The following GRM8 variants were observed in gnomAD, a reference collection of about 807,000 sequenced individuals.
GRM8 encodes metabotropic glutamate receptor 8.
A neutral mutation model predicts 87.2 loss-of-function variants in GRM8; 47 were observed. That is an observed-to-expected ratio of 0.54 (90% CI 0.43 to 0.69). The LOEUF (loss-of-function observed/expected upper bound fraction) is 0.69, where lower values mean the gene tolerates loss of function less well. GRM8 is among the 30% of genes least tolerant of loss of function. GRM8 has a pLI of 0.00. For synonymous variants in GRM8, 396 were observed against 404.5 expected (o/e 0.98, Z 0.25); for missense variants, 1,019 against 1,139.2 (o/e 0.89, Z 1.52).
chr7:126,508,002 G>A (rs1001526539), intron 9 of GRM8, among the ~76,000 whole-genome samples: 1 of 151,922 alleles, frequency 6.6e-6, no homozygotes, highest in Non-Finnish European at 1.5e-5. Context: ...AAAGTAATGA[G>A]TAAGTACCTG....
intron 6 of GRM8, among the ~76,000 whole-genome samples, chr7:126,775,774 C>T (rs987252100): frequency 2.6e-5 from 4 of 151,960 alleles, no homozygotes; most frequent in African/African-American, 7.2e-5. Flanking sequence ...GCTTAGAAGG[C>T]GAGTGGCCTT....
intron 2 of GRM8, among the ~76,000 whole-genome samples, chr7:127,140,778 C>G (rs567743227): frequency 2.1e-4 from 32 of 152,150 alleles, no homozygotes; most frequent in Non-Finnish European, 4.3e-4. Flanking sequence ...TCAAGTTACT[C>G]CTGCTGTTTG....
intron 7 of GRM8, among the ~76,000 whole-genome samples, chr7:126,736,537 A>G (rs1360358705): frequency 6.6e-6 from 1 of 152,026 alleles, no homozygotes; most frequent in Non-Finnish European, 1.5e-5. Context: ...TTATGAGTTT[A>G]TAACTGCAAA....
chr7:126,974,862 G>A (rs1810797720), intron 3 of GRM8, among the ~76,000 whole-genome samples: 1 of 147,660 alleles, frequency 6.8e-6, no homozygotes, highest in Non-Finnish European at 1.5e-5. Context: ...CGTGAACTCG[G>A]GAGGCGGAGC....
intron 3 of GRM8, among the ~76,000 whole-genome samples, chr7:127,079,849 A>C (rs1049811681): frequency 5.3e-5 from 8 of 152,116 alleles, no homozygotes; most frequent in African/African-American, 1.2e-4. Context: ...TTTTTCCTTA[A>C]GTACTCCCAA....
chr7:127,055,887 T>G (rs977017260), intron 3 of GRM8, among the ~76,000 whole-genome samples: 2 of 151,898 alleles, frequency 1.3e-5, no homozygotes, highest in Non-Finnish European at 2.9e-5. Context: ...ACAACCAAAG[T>G]CAAAAAAACA....
intron 6 of GRM8, among the ~76,000 whole-genome samples, chr7:126,825,007 G>T (rs1026912795): frequency 1.3e-5 from 2 of 152,184 alleles, no homozygotes; most frequent in African/African-American, 4.8e-5. Context: ...GGCCACTTGG[G>T]ATAATGTTTG....
intron 7 of GRM8, among the ~76,000 whole-genome samples, chr7:126,650,814 C>T (rs1265314285): frequency 5.9e-5 from 9 of 152,034 alleles, no homozygotes; most frequent in Non-Finnish European, 1.2e-4. Flanking sequence ...TCCCCAGCCA[C>T]CCCCGTCATC....
chr7:126,729,173 C>T (rs555072436), intron 7 of GRM8, among the ~76,000 whole-genome samples: 39 of 152,292 alleles, frequency 2.6e-4, no homozygotes, highest in African/African-American at 9.1e-4. Flanking sequence ...CATTTTCTCA[C>T]GTGGCACCAA....
rs1587364165 is a variant in GRM8 at position 127,243,497 on chromosome 7, C to A, written c.-293G>T. 2 of 372,730 alleles carry A rather than the reference C, an allele frequency of 5.4e-6. No individual in the cohort carries two copies. Among genetic ancestry groups the A allele is most frequent in the East Asian group, 4.8e-5 (1 of 20,762 alleles). 23.1% of individuals were successfully genotyped at this position (372,730 alleles called of 1,614,324 possible). A position where few individuals can be genotyped will look rare whatever the true frequency, so the allele number is the denominator to read the frequency against. On this transcript the variant is annotated 5_prime_UTR_variant, in exon 2 of 11. Coordinates refer to ENST00000339582, the MANE Select transcript of GRM8 (RefSeq NM_000845.3). ...CAACAATTCATGTCCTTGAAATCAG[C>A]CTTGTAGCAGAATTATTCCTGGGAA...
At chr7:126,697,494 A>G (rs2151386459) in intron 7 of GRM8, among the ~76,000 whole-genome samples, 1 of 152,324 alleles carries the variant, frequency 6.6e-6, no homozygotes, top group East Asian at 1.9e-4. Flanking sequence ...TATGTAATAT[A>G]CATTTATCAA....
chr7:126,476,657 T>C (rs1250406839), intron 9 of GRM8, among the ~76,000 whole-genome samples: 1 of 151,886 alleles, frequency 6.6e-6, no homozygotes, highest in African/African-American at 2.4e-5. Flanking sequence ...TCAACAATAA[T>C]AATCACCAAG....
rs367838252 is a variant in GRM8 at position 126,591,765 on chromosome 7, G to GA, written c.1494+17596dup. On this transcript the variant is annotated intron_variant, in intron 8 of 10. Coordinates refer to ENST00000339582, the MANE Select transcript of GRM8 (RefSeq NM_000845.3). ...TAAGCTCAAAGTTAGTAGAAGGAAG[G>GA]AAAAAAAAAAGATCATCACAGAAAT... Among the ~76,000 whole-genome samples the GA allele has an allele frequency of 1.8e-4, 26 of 141,026 alleles. 1 individual carries two copies. Among genetic ancestry groups the GA allele is most frequent in the Admixed American group, 4.2e-4 (6 of 14,234 alleles). The allele number at this position is 141,026 out of a possible 152,430, so 92.5% of individuals were successfully genotyped here. A position where few individuals can be genotyped will look rare whatever the true frequency, so the allele number is the denominator to read the frequency against.
At chr7:126,704,318 T>C (rs1482923618) in intron 7 of GRM8, among the ~76,000 whole-genome samples, 1 of 152,168 alleles carries the variant, frequency 6.6e-6, no homozygotes, top group African/African-American at 2.4e-5. Flanking sequence ...CCTATGCCTG[T>C]CTTTACTTTA....
At chr7:126,566,419 C>T (rs777095955) in intron 8 of GRM8, among the ~76,000 whole-genome samples, 3 of 152,074 alleles carry the variant, frequency 2.0e-5, no homozygotes, top group Non-Finnish European at 4.4e-5. Flanking sequence ...GCTATGAGAA[C>T]AAATGCTCAA....
At chr7:127,020,910 G>GA (rs1816198539) in intron 3 of GRM8, among the ~76,000 whole-genome samples, 1 of 152,004 alleles carries the variant, frequency 6.6e-6, no homozygotes, top group African/African-American at 2.4e-5. Context: ...TTTTAAGTGG[G>GA]AGAAAGGGCA....
At chr7:126,459,026 C>T (rs907831284) in intron 9 of GRM8, among the ~76,000 whole-genome samples, 1 of 148,176 alleles carries the variant, frequency 6.7e-6, no homozygotes, top group Non-Finnish European at 1.5e-5. Context: ...AAAAAGTAAA[C>T]TCAACAGAGA....
At chr7:126,496,672 T>G (rs1487604632) in intron 9 of GRM8, among the ~76,000 whole-genome samples, 1 of 151,976 alleles carries the variant, frequency 6.6e-6, no homozygotes, top group African/African-American at 2.4e-5. Flanking sequence ...AGAGGTCAGT[T>G]GCACTTAAAC....
At chr7:126,861,968 G>C (rs1462251555) in intron 6 of GRM8, among the ~76,000 whole-genome samples, 1 of 151,422 alleles carries the variant, frequency 6.6e-6, no homozygotes, top group African/African-American at 2.4e-5. Context: ...GCTTGTTTTT[G>C]TTTTGTTTTG....
Sources: allele counts gnomAD v4.1 joint callset (sites outside exome capture counted in the v4.1 genomes callset), GRCh38; gene constraint gnomAD v4.1.1; transcripts MANE v1.5; gene names NCBI Gene and HGNC (gene_info 2026-07-23, HGNC 2026-07-21).